Variants in DSCAM observed in about 807,000 individuals in gnomAD.
DSCAM encodes the protein cell adhesion molecule DSCAM.
In DSCAM, 47 loss-of-function variants were observed where a neutral mutation model predicts 217.7. That is an observed-to-expected ratio of 0.22 (90% CI 0.17 to 0.28). The LOEUF is 0.28. DSCAM is among the 10% of genes least tolerant of loss of function. The pLI, the probability that DSCAM is intolerant of heterozygous loss-of-function variation, is 1.00. For missense variants in DSCAM, 2,080 were observed against 2,618.3 expected (o/e 0.79, Z 4.49); for synonymous variants, 1,056 against 1,015.3 (o/e 1.04, Z -0.76).
At chr21:40,660,771 A>AT (rs1323010077) in intron 3 of DSCAM, among the ~76,000 whole-genome samples, 1 of 152,232 alleles carries the variant, frequency 6.6e-6, no homozygotes, top group African/African-American at 2.4e-5. Context: ...TCCCTCTGCC[A>AT]TTATATGTCC....
chr21:40,556,673 A>T (rs79976150), intron 3 of DSCAM, among the ~76,000 whole-genome samples: 67,711 of 151,438 alleles, frequency 0.45, 16,413 homozygotes, highest in Admixed American at 0.55. Context: ...GAGGGGAGGT[A>T]CCAGAATCTT....
intron 11 of DSCAM, among the ~76,000 whole-genome samples, chr21:40,205,602 CAAAAA>C (rs35725347): frequency 1.2e-5 from 1 of 83,512 alleles, no homozygotes; most frequent in Non-Finnish European, 2.7e-5. Context: ...GACTCTATCT[CAAAAA>C]AAAAAAAAAA....
intron 3 of DSCAM, among the ~76,000 whole-genome samples, chr21:40,446,848 T>C (rs993710018): frequency 6.6e-6 from 1 of 152,226 alleles, no homozygotes; most frequent in African/African-American, 2.4e-5. Context: ...TAAATCCCTA[T>C]GACTTTCAAA....
chr21:40,069,324 G>A (rs1389637105), intron 27 of DSCAM, among the ~76,000 whole-genome samples: 1 of 152,160 alleles, frequency 6.6e-6, no homozygotes, highest in Non-Finnish European at 1.5e-5. Flanking sequence ...CTCCCAGCTT[G>A]GTCTTGCCCA....
Position 40,489,774 on chromosome 21 carries a change from C to CAAA in DSCAM, c.509-120532_509-120530dup, listed in dbSNP as rs35247505. 7.7e-3 allele frequency among the ~76,000 whole-genome samples: 363 copies of CAAA among 47,166 alleles called. 91 individuals carry two copies. The highest frequency in any genetic ancestry group is 0.017 in the African/African-American group (213 of 12,748). The allele number at this position is 47,166 out of a possible 152,430, so 30.9% of individuals were successfully genotyped here. The stretch of plus-strand genomic sequence containing the variant: ...TGGGCGACAGGGCGAGACTCCGTCT[C>CAAA]AAAAAAAAAAAAAAAAAAAAAAAAA... On this transcript the variant is annotated intron_variant, in intron 3 of 32. Transcript: ENST00000400454.
intron 3 of DSCAM, chr21:40,385,419 T>C (rs1031274343): frequency 2.6e-5 from 4 of 152,244 alleles, no homozygotes; most frequent in Non-Finnish European, 1.5e-5. Flanking sequence ...TAGTGGTTCA[T>C]TAAATGTTTG....
intron 3 of DSCAM, among the ~76,000 whole-genome samples, chr21:40,374,155 A>G (rs2074927346): frequency 6.6e-6 from 1 of 152,244 alleles, no homozygotes; most frequent in Admixed American, 6.5e-5. Context: ...ATATAGACAC[A>G]TACAAAATCA....
At chr21:40,283,471 T>C (rs762977680) in intron 10 of DSCAM, among the ~76,000 whole-genome samples, 3 of 152,334 alleles carry the variant, frequency 2.0e-5, no homozygotes, top group East Asian at 1.9e-4. Flanking sequence ...AATATATGCA[T>C]AGCTGTGTTC....
intron 3 of DSCAM, among the ~76,000 whole-genome samples, chr21:40,648,456 G>GT (rs150657007): frequency 6.7e-4 from 102 of 152,202 alleles, no homozygotes; most frequent in African/African-American, 2.5e-3. Flanking sequence ...TAGGCAGACA[G>GT]TGGTGGGTCC....
chr21:40,329,589 G>A (rs1362362461), intron 8 of DSCAM, among the ~76,000 whole-genome samples: 4 of 150,718 alleles, frequency 2.7e-5, no homozygotes, highest in African/African-American at 9.8e-5. Flanking sequence ...ACTCCAGCCT[G>A]GCCACAGAGT....
rs117937640 is a variant in DSCAM at position 40,333,626 on chromosome 21, A to G, written c.1783+4475T>C. Among the ~76,000 whole-genome samples the G allele has an allele frequency of 8.3e-3, 1,266 of 152,314 alleles. 8 individuals carry two copies. Among genetic ancestry groups the G allele is most frequent in the Middle Eastern group, 0.034 (10 of 292 alleles). On this transcript the variant is annotated intron_variant, in intron 8 of 32. Coordinates refer to ENST00000400454, the MANE Select transcript of DSCAM (RefSeq NM_001389.5). ...GTGATCCTCCTGCCTCGGTCTCCCAAAGTGCTGAGGTTAAAATATTTTAAA... is the reference window on the plus strand; with the variant it reads ...GTGATCCTCCTGCCTCGGTCTCCCAGAGTGCTGAGGTTAAAATATTTTAAA...
At chr21:40,824,131 C>A (rs886128826) in intron 1 of DSCAM, among the ~76,000 whole-genome samples, 1 of 152,070 alleles carries the variant, frequency 6.6e-6, no homozygotes, top group African/African-American at 2.4e-5. Flanking sequence ...CTCCCTCTGT[C>A]CCCCAGCCTC....
chr21:40,246,672 G>T (rs2073230727), intron 11 of DSCAM, among the ~76,000 whole-genome samples: 3 of 152,158 alleles, frequency 2.0e-5, no homozygotes, highest in African/African-American at 7.2e-5. Flanking sequence ...AAAGAACAGT[G>T]CTAGAAATCA....
intron 3 of DSCAM, among the ~76,000 whole-genome samples, chr21:40,536,416 T>TG (rs2076497102): frequency 2.0e-5 from 3 of 151,022 alleles, no homozygotes; most frequent in Non-Finnish European, 3.0e-5. Context: ...TTTTTTTTTT[T>TG]TTTGAGACGG....
chr21:40,438,032 G>A (rs1356221741), intron 3 of DSCAM, among the ~76,000 whole-genome samples: 2 of 152,186 alleles, frequency 1.3e-5, no homozygotes, highest in Non-Finnish European at 2.9e-5. Context: ...GCCACCAGGT[G>A]TATGCTGACA....
rs1485309439 is a variant in DSCAM, at chr21:40,106,056, C to T, written c.3697-12182G>A. On this transcript the variant is annotated intron_variant, in intron 20 of 32. Transcript: ENST00000400454. ...TAAAGAAAAAGAAGTTTAATGGACTCACAGTTCCACATGGCTGGGGAGGCT... is the reference window on the plus strand; with the variant it reads ...TAAAGAAAAAGAAGTTTAATGGACTTACAGTTCCACATGGCTGGGGAGGCT... Among the ~76,000 whole-genome samples, 3 of 152,270 alleles carry T rather than the reference C, an allele frequency of 2.0e-5. No individual in the cohort carries two copies. In the East Asian group the frequency reaches 5.8e-4, roughly 29 times the overall value.
intron 3 of DSCAM, among the ~76,000 whole-genome samples, chr21:40,571,730 C>G (rs1232899642): frequency 6.6e-6 from 1 of 152,168 alleles, no homozygotes; most frequent in African/African-American, 2.4e-5. Flanking sequence ...GGTTGAGCAT[C>G]CCCAGTCCAA....
Position 40,037,816 on chromosome 21 carries a change from C to G in DSCAM, c.5686+4555G>C, listed in dbSNP as rs982641794. On this transcript the variant is annotated intron_variant, in intron 32 of 32. Coordinates refer to ENST00000400454, the MANE Select transcript of DSCAM (RefSeq NM_001389.5). ...ACAGCATGGTACTGGTACCAAAACA[C>G]AGATATAGAACAATGGAACAGAACA... 3.2e-3 allele frequency among the ~76,000 whole-genome samples: 449 copies of G among 140,790 alleles called. 9 individuals are homozygous for G. The highest frequency in any genetic ancestry group is 4.2e-3 in the Admixed American group (58 of 13,846). The allele number at this position is 140,790 out of a possible 152,430, so 92.4% of individuals were successfully genotyped here.
At chr21:40,067,312 C>T (rs1482775729) in intron 27 of DSCAM, among the ~76,000 whole-genome samples, 3 of 152,224 alleles carry the variant, frequency 2.0e-5, no homozygotes, top group Admixed American at 1.3e-4. Flanking sequence ...CAGGGACCAT[C>T]TGCATAATCA....
Sources: gnomAD v4.1 joint callset for allele counts (sites outside exome capture counted in the v4.1 genomes callset) on GRCh38, gnomAD v4.1.1 for gene constraint, MANE v1.5 for transcripts, NCBI Gene and HGNC (gene_info 2026-07-23, HGNC 2026-07-21) for gene names.